STXBP4: variants seen among roughly 807,000 people sequenced by gnomAD.
STXBP4 encodes the protein syntaxin binding protein 4.
A neutral mutation model predicts 76.1 loss-of-function variants in STXBP4; 55 were observed. That is an observed-to-expected ratio of 0.72 (90% CI 0.58 to 0.91). STXBP4 has a LOEUF of 0.91. Ranked by LOEUF, STXBP4 falls within the 40% of genes least tolerant of loss-of-function variation. The pLI, the probability that STXBP4 is intolerant of heterozygous loss-of-function variation, is 0.00. For missense variants in STXBP4, 618 were observed against 636.9 expected, an observed-to-expected ratio of 0.97 and a Z score of 0.32; for synonymous variants, 201 against 220.2, an observed-to-expected ratio of 0.91 and a Z score of 0.77.
chr17:55,193,751 T>A, the STXBP4 span, among the ~76,000 whole-genome samples: 8 of 137,866 alleles, frequency 5.8e-5, no homozygotes, highest in Admixed American at 4.6e-4. Flanking sequence ...TTTGGAACCC[T>A]CCATCATTTA....
intron 16 of STXBP4, among the ~76,000 whole-genome samples, chr17:55,132,459 G>C (rs1485890841): frequency 6.6e-6 from 1 of 152,106 alleles, no homozygotes; most frequent in Non-Finnish European, 1.5e-5. Context: ...AAAATGCTGG[G>C]ATTACAGGCA....
At chr17:54,977,763 G>A (rs1431827708) in intron 1 of STXBP4, among the ~76,000 whole-genome samples, 2 of 152,146 alleles carry the variant, frequency 1.3e-5, no homozygotes, top group Non-Finnish European at 2.9e-5. Context: ...CTGTGATAAG[G>A]TATAAAACAA....
chr17:55,145,724 T>G (rs190737741), intron 17 of STXBP4, among the ~76,000 whole-genome samples: 15 of 146,932 alleles, frequency 1.0e-4, no homozygotes, highest in African/African-American at 3.7e-4. Context: ...TCTCTGTGTG[T>G]GTGTATGTTT....
chr17:54,998,387 G>A (rs2077850025), intron 4 of STXBP4, among the ~76,000 whole-genome samples: 1 of 152,166 alleles, frequency 6.6e-6, no homozygotes, highest in South Asian at 2.1e-4. Flanking sequence ...CTTAGGAACT[G>A]TAAAAGAAGA....
At chr17:55,185,216 CT>C in the STXBP4 span, among the ~76,000 whole-genome samples, 1 of 38,528 alleles carries the variant, frequency 2.6e-5, no homozygotes, top group East Asian at 5.1e-4. Context: ...TCTTCTTCTT[CT>C]TCTTCTTCTT....
rs142469208 is a variant in STXBP4, at chr17:55,089,320, G to C, written c.1489+8137G>C. Among the ~76,000 whole-genome samples the C allele has an allele frequency of 3.3e-3, 506 of 152,252 alleles. 2 individuals carry two copies. The highest frequency in any genetic ancestry group is 0.011 in the African/African-American group (471 of 41,536). ...AGGTATTAAATTATTATTGTCTAAAGCTTCTTTCAACTTGGATACATTTGA... is the reference window on the plus strand; with the variant it reads ...AGGTATTAAATTATTATTGTCTAAACCTTCTTTCAACTTGGATACATTTGA... On this transcript the variant is annotated intron_variant, in intron 16 of 17. Coordinates refer to ENST00000376352, the MANE Select transcript of STXBP4 (RefSeq NM_178509.6).
intron 7 of STXBP4, among the ~76,000 whole-genome samples, chr17:55,003,647 T>C (rs951808543): frequency 3.9e-5 from 6 of 152,126 alleles, no homozygotes; most frequent in African/African-American, 1.4e-4. Flanking sequence ...CAAAAGTAAA[T>C]GTAATTAGAT....
chr17:55,022,197 G>A (rs1224373737), intron 8 of STXBP4, among the ~76,000 whole-genome samples: 1 of 151,508 alleles, frequency 6.6e-6, no homozygotes, highest in African/African-American at 2.4e-5. Context: ...GTTGTTGCTT[G>A]CTAGTGAACT....
Position 55,167,373 on chromosome 17 carries a change from G to T in STXBP4, c.*7462G>T, listed in dbSNP as rs1159526708. ...CTCTTTTAGCTGTTTCCTGCTTCTG[G>T]CAGGGAAACAAAGATTGAATTAAGA... On this transcript the variant is annotated 3_prime_UTR_variant, in exon 18 of 18. Coordinates refer to ENST00000376352, the MANE Select transcript of STXBP4 (RefSeq NM_178509.6). The T allele has an allele frequency of 6.6e-6, 1 of 152,170 alleles. No homozygotes were observed. Among genetic ancestry groups the T allele is most frequent in the African/African-American group, 2.4e-5 (1 of 41,422 alleles). The allele number at this position is 152,170 out of a possible 1,614,324, so 9.4% of individuals were successfully genotyped here.
the STXBP4 span, among the ~76,000 whole-genome samples, chr17:55,180,353 T>A: frequency 6.6e-6 from 1 of 152,242 alleles, no homozygotes; most frequent in Non-Finnish European, 1.5e-5. Context: ...AGGAGAAACC[T>A]AGAACTAAAA....
the STXBP4 span, among the ~76,000 whole-genome samples, chr17:55,199,130 C>T: frequency 2.6e-5 from 4 of 152,198 alleles, no homozygotes; most frequent in Non-Finnish European, 4.4e-5. Context: ...TGGCTATTTG[C>T]CATGCTGTTT....
At chr17:55,019,296 C>T (rs899642399) in intron 8 of STXBP4, among the ~76,000 whole-genome samples, 1 of 151,808 alleles carries the variant, frequency 6.6e-6, no homozygotes, top group Non-Finnish European at 1.5e-5. Flanking sequence ...TTACTTTTTA[C>T]CTCCAACTTG....
At chr17:55,096,928 A>G (rs903823649) in intron 16 of STXBP4, among the ~76,000 whole-genome samples, 1 of 152,136 alleles carries the variant, frequency 6.6e-6, no homozygotes, top group Non-Finnish European at 1.5e-5. Flanking sequence ...TTCTCACTGA[A>G]TTTTGTCCTA....
intron 11 of STXBP4, chr17:55,043,568 T>C: frequency 6.7e-7 from 1 of 1,500,562 alleles, no homozygotes; most frequent in Non-Finnish European, 9.1e-7. Context: ...TGCTCATGTC[T>C]TCTGTTGAGG....
At chr17:55,096,306 C>T (rs985208343) in intron 16 of STXBP4, among the ~76,000 whole-genome samples, 14 of 152,146 alleles carry the variant, frequency 9.2e-5, no homozygotes, top group African/African-American at 3.4e-4. Flanking sequence ...CAGGCACACA[C>T]CACCACGCCT....
At chr17:55,056,718 A>C (rs1023525237) in intron 12 of STXBP4, among the ~76,000 whole-genome samples, 1 of 152,240 alleles carries the variant, frequency 6.6e-6, no homozygotes, top group East Asian at 1.9e-4. Context: ...AAACAAAAAA[A>C]CTGGCCAAGC....
chr17:55,200,471 A>C, the STXBP4 span, among the ~76,000 whole-genome samples: 2 of 152,250 alleles, frequency 1.3e-5, no homozygotes, highest in Non-Finnish European at 2.9e-5. Context: ...TCTCACTCAC[A>C]AAGCAAGTAC....
intron 17 of STXBP4, among the ~76,000 whole-genome samples, chr17:55,148,917 GAGGA>G (rs1370476952): frequency 2.0e-5 from 3 of 152,198 alleles, no homozygotes; most frequent in African/African-American, 7.2e-5. Context: ...TTCTGTGAAT[GAGGA>G]AATGTCTACT....
chr17:55,117,921 T>A (rs1028956270), intron 16 of STXBP4, among the ~76,000 whole-genome samples: 2 of 151,962 alleles, frequency 1.3e-5, no homozygotes, highest in Admixed American at 6.6e-5. Context: ...AGACACAGTC[T>A]TCCTGGAACA....
Sources: gnomAD v4.1 joint callset for allele counts (sites outside exome capture counted in the v4.1 genomes callset) on GRCh38, gnomAD v4.1.1 for gene constraint, MANE v1.5 for transcripts, NCBI Gene and HGNC (gene_info 2026-07-23, HGNC 2026-07-21) for gene names.